TTC28: variants seen among roughly 807,000 people sequenced by gnomAD.
TTC28 encodes the protein tetratricopeptide repeat domain 28, also known as tetratricopeptide repeat protein 28.
In TTC28, 61 loss-of-function variants were observed where a neutral mutation model predicts 198.0. That is an observed-to-expected ratio of 0.31 (90% CI 0.25 to 0.38). TTC28 has a LOEUF of 0.38. Among genes scored for constraint, TTC28 ranks in the 10% least tolerant of loss-of-function variants. The pLI, the probability that TTC28 is intolerant of heterozygous loss-of-function variation, is 1.00. For synonymous variants in TTC28, 1,171 were observed against 1,297.8 expected (o/e 0.90, Z 2.10); for missense variants, 2,678 against 3,164.0 (o/e 0.85, Z 3.69).
intron 2 of TTC28, among the ~76,000 whole-genome samples, chr22:28,376,635 C>T (rs970621240): frequency 6.6e-6 from 1 of 152,178 alleles, no homozygotes; most frequent in Non-Finnish European, 1.5e-5. Context: ...CCTCTAAGTG[C>T]ACTGCCTAGA....
At chr22:28,557,059 C>A (rs928927472) in intron 2 of TTC28, among the ~76,000 whole-genome samples, 8 of 152,086 alleles carry the variant, frequency 5.3e-5, no homozygotes, top group Admixed American at 2.6e-4. Context: ...TGAGTGAGGA[C>A]AATATAAGGG....
chr22:28,045,181 T>C (rs767893066), intron 12 of TTC28, among the ~76,000 whole-genome samples: 3 of 152,174 alleles, frequency 2.0e-5, no homozygotes, highest in Non-Finnish European at 2.9e-5. Flanking sequence ...CTAGCACAGG[T>C]TGAGTATCCT....
chr22:28,240,001 T>A (rs1394238089), intron 5 of TTC28, among the ~76,000 whole-genome samples: 1 of 152,218 alleles, frequency 6.6e-6, no homozygotes, highest in Non-Finnish European at 1.5e-5. Flanking sequence ...TCCTGTGCAT[T>A]GTAGGATGCT....
intron 12 of TTC28, among the ~76,000 whole-genome samples, chr22:28,076,327 C>T (rs1317699016): frequency 6.6e-6 from 1 of 152,154 alleles, no homozygotes; most frequent in East Asian, 1.9e-4. Context: ...ATGGGGACTG[C>T]TTTAAAGAAC....
intron 2 of TTC28, among the ~76,000 whole-genome samples, chr22:28,597,704 G>A (rs932447456): frequency 2.0e-5 from 3 of 152,022 alleles, no homozygotes; most frequent in African/African-American, 4.8e-5. Context: ...CTATTTATAC[G>A]GAAAAAGTAC....
At position 28,527,237 on chromosome 22, in the gene TTC28, A is replaced by T. The variant is rs1400415592; in HGVS notation, c.381+102315T>A. Among the ~76,000 whole-genome samples the T allele has an allele frequency of 2.0e-5, 3 of 152,124 alleles. No homozygotes were observed. In the East Asian group the frequency reaches 5.8e-4, roughly 29 times the overall value. On this transcript the variant is annotated intron_variant, in intron 2 of 22. Coordinates refer to ENST00000397906, the MANE Select transcript of TTC28 (RefSeq NM_001145418.2). ...CAACACAGATACTGCACATTTCAGG[A>T]TTCCTGCCCACACTGGTGCCCCAAC...
chr22:28,325,028 T>C (rs1308147186), intron 2 of TTC28, among the ~76,000 whole-genome samples: 1 of 151,540 alleles, frequency 6.6e-6, no homozygotes, highest in Non-Finnish European at 1.5e-5. Flanking sequence ...TTTCTATCAA[T>C]TGGAATCGTT....
At chr22:28,397,624 T>C (rs908930969) in intron 2 of TTC28, among the ~76,000 whole-genome samples, 2 of 152,218 alleles carry the variant, frequency 1.3e-5, no homozygotes, top group Non-Finnish European at 2.9e-5. Context: ...GAACCATTAC[T>C]GATTTGTTAG....
intron 12 of TTC28, among the ~76,000 whole-genome samples, chr22:28,091,616 A>T (rs565806482): frequency 6.6e-6 from 1 of 152,244 alleles, no homozygotes; most frequent in South Asian, 2.1e-4. Flanking sequence ...GCTTAGGGAC[A>T]CAAAGTCCCA....
intron 12 of TTC28, among the ~76,000 whole-genome samples, chr22:28,088,387 A>G (rs1288233554): frequency 3.3e-5 from 5 of 152,160 alleles, no homozygotes; most frequent in Non-Finnish European, 7.4e-5. Flanking sequence ...ATCTTTGACA[A>G]ACTTGACAAA....
At chr22:28,162,778 T>C (rs55916256) in intron 6 of TTC28, among the ~76,000 whole-genome samples, 40,183 of 152,088 alleles carry the variant, frequency 0.26, 6,514 homozygotes, top group South Asian at 0.39. Context: ...AGAAGACGCC[T>C]GTCTCTACAA....
intron 1 of TTC28, among the ~76,000 whole-genome samples, chr22:28,678,568 A>C (rs2052039286): frequency 1.3e-5 from 2 of 152,228 alleles, no homozygotes; most frequent in African/African-American, 4.8e-5. Context: ...GCTTTTGCCT[A>C]AAACATACTG....
intron 2 of TTC28, among the ~76,000 whole-genome samples, chr22:28,344,238 T>C (rs1042467747): frequency 6.6e-6 from 1 of 151,664 alleles, no homozygotes; most frequent in Non-Finnish European, 1.5e-5. Flanking sequence ...CGAAGAAGAA[T>C]GAAACATATA....
intron 2 of TTC28, among the ~76,000 whole-genome samples, chr22:28,508,633 G>C (rs1479877961): frequency 1.3e-5 from 2 of 152,036 alleles, no homozygotes; most frequent in African/African-American, 2.4e-5. Context: ...GACTAAGAAG[G>C]GCATTACATA....
chr22:28,494,497 A>G (rs2048424342), intron 2 of TTC28, among the ~76,000 whole-genome samples: 1 of 152,192 alleles, frequency 6.6e-6, no homozygotes, highest in South Asian at 2.1e-4. Flanking sequence ...ACTTTCCACC[A>G]CTTAAGTTTA....
At chr22:28,139,071 G>C (rs570130534) in intron 6 of TTC28, among the ~76,000 whole-genome samples, 1 of 151,970 alleles carries the variant, frequency 6.6e-6, no homozygotes, top group South Asian at 2.1e-4. Flanking sequence ...GGGAGAGATG[G>C]GGTGGAGTTG....
chr22:28,457,794 AC>A (rs1259443930), intron 2 of TTC28, among the ~76,000 whole-genome samples: 1 of 152,146 alleles, frequency 6.6e-6, no homozygotes, highest in Non-Finnish European at 1.5e-5. Flanking sequence ...TCATTCTGCC[AC>A]ATAAATTTCA....
chr22:28,170,977 A>ATTTTTTTTTTT (rs1922618587), intron 5 of TTC28, among the ~76,000 whole-genome samples: 1 of 143,018 alleles, frequency 7.0e-6, no homozygotes, highest in African/African-American at 2.6e-5. Flanking sequence ...CTTGCCACTC[A>ATTTTTTTTTTT]TTCTTTTTTT....
intron 6 of TTC28, among the ~76,000 whole-genome samples, chr22:28,152,783 C>T (rs1234675676): frequency 6.6e-6 from 1 of 152,144 alleles, no homozygotes; most frequent in African/African-American, 2.4e-5. Context: ...AAAGCTAGGC[C>T]TCTTTCCGTA....
Sources: gnomAD v4.1 joint callset for allele counts (sites outside exome capture counted in the v4.1 genomes callset) on GRCh38, gnomAD v4.1.1 for gene constraint, MANE v1.5 for transcripts, NCBI Gene and HGNC (gene_info 2026-07-23, HGNC 2026-07-21) for gene names.